ARHGEF11: variants seen among roughly 807,000 people sequenced by gnomAD.
ARHGEF11 encodes Rho guanine nucleotide exchange factor 11.
A neutral mutation model predicts 193.7 loss-of-function variants in ARHGEF11; 55 were observed. The observed-to-expected ratio is 0.28, with a 90% CI of 0.23 to 0.36. The LOEUF is 0.36. ARHGEF11 is among the 10% of genes least tolerant of loss of function. ARHGEF11 has a pLI of 1.00. For synonymous variants in ARHGEF11, 693 were observed against 768.0 expected (o/e 0.90, Z 1.62); for missense variants, 1,723 against 2,005.6 (o/e 0.86, Z 2.69).
In ARHGEF11 at chr1:156,940,320, G is replaced by A; in HGVS notation, c.3620C>T (p.Pro1207Leu). 1 of 1,613,954 alleles carries A rather than the reference G, an allele frequency of 6.2e-7. No homozygotes were observed. The highest frequency in any genetic ancestry group is 1.3e-5 in the African/African-American group (1 of 75,064). The change falls in exon 36 of 41, where the codon CCT becomes CTT. Residue 1207 changes from proline (P) to leucine (L), a missense_variant. Coordinates refer to ENST00000368194, the MANE Select transcript of ARHGEF11 (RefSeq NM_198236.3). The stretch of plus-strand genomic sequence containing the variant: ...GTTCTCTCCATCCAGGGATGTGGAA[G>A]GGCAAGGCAGGACACCCAGTTCCTC... ...EEEELGVLPC[P>L]STSLDGENRG...
chr1:156,963,641 G>A lies in ARHGEF11; in HGVS notation c.964-47C>T, dbSNP rs749410007. 38 of 1,599,134 alleles carry A rather than the reference G, an allele frequency of 2.4e-5. No individual in the cohort carries two copies. The South Asian group carries it at 4.2e-4, about 18-fold the overall frequency. On this transcript the variant is annotated intron_variant, in intron 11 of 40. Transcript: ENST00000368194. ...CAGAGATGAGAGGTTATAGAGGACAGAGGATTCAACCACCTCAGTGAAGTT... is the reference window on the plus strand; with the variant it reads ...CAGAGATGAGAGGTTATAGAGGACAAAGGATTCAACCACCTCAGTGAAGTT...
At chr1:156,975,499 A>G (rs1464120513) in intron 7 of ARHGEF11, among the ~76,000 whole-genome samples, 1 of 152,150 alleles carries the variant, frequency 6.6e-6, no homozygotes, top group Non-Finnish European at 1.5e-5. Context: ...CATTTCTTCT[A>G]TGGGTTGTCT....
rs979009728 is a variant in ARHGEF11, at chr1:156,935,691, G to A, written c.*309C>T. ...GGGCAGCGCACATACAGGCGTGCGC[G>A]TGTACACACATATGTGGGGTGAGGG... On this transcript the variant is annotated 3_prime_UTR_variant, in exon 41 of 41. Transcript: ENST00000368194. 3 of 346,778 alleles carry A rather than the reference G, an allele frequency of 8.7e-6. No homozygotes were observed. Among genetic ancestry groups the A allele is most frequent in the South Asian group, 6.7e-5 (1 of 14,942 alleles). 21.5% of individuals were successfully genotyped at this position (346,778 alleles called of 1,614,324 possible). A position where few individuals can be genotyped will look rare whatever the true frequency, so the allele number is the denominator to read the frequency against.
intron 1 of ARHGEF11, among the ~76,000 whole-genome samples, chr1:156,993,945 A>G (rs746861487): frequency 1.3e-5 from 2 of 152,164 alleles, no homozygotes; most frequent in Admixed American, 6.5e-5. Flanking sequence ...CCAGCAGCAT[A>G]CGAATCACTT....
rs1186058970 is a variant in ARHGEF11, at chr1:156,938,478, G to A, written c.4132C>T (p.Pro1378Ser). The A allele has an allele frequency of 6.2e-7, 1 of 1,613,742 alleles. No homozygotes were observed. Among genetic ancestry groups the A allele is most frequent in the African/African-American group, 1.3e-5 (1 of 75,030 alleles). The change falls in exon 38 of 41, where the codon CCA (proline) becomes TCA (serine). Residue 1378 changes from proline (P) to serine (S), a missense_variant. Around this residue, in one of 5 missense-constraint regions of ARHGEF11, gnomAD observed 360 missense variants for 344.4 expected, o/e 1.05. Transcript: ENST00000368194. ...VAGSKVVPAL[P>S]ESGQSEPGPP... ...CCAGGCTCTGACTGGCCACTCTCTG[G>A]TAGTGCAGGGACAACCTTGCTGCCT...
chr1:156,951,936 G>C (rs984688644), intron 21 of ARHGEF11, among the ~76,000 whole-genome samples: 39 of 152,044 alleles, frequency 2.6e-4, no homozygotes, highest in African/African-American at 9.2e-4. Flanking sequence ...AAAATGAGAG[G>C]GTTTGGAAGT....
In ARHGEF11 at chr1:156,959,101, A is replaced by G. The variant is rs759484825; in HGVS notation, c.1324T>C (p.Cys442Arg). The change falls in exon 16 of 41, where the codon TGT becomes CGT. Residue 442 changes from cysteine (C) to arginine (R), a missense_variant. Cys to Arg is a radical substitution (Grantham distance 180, BLOSUM62 -3). Transcript: ENST00000368194. Reference sequence around the variant, plus strand: ...GGCATGGCTGCCTCTTGAGCTTCACAGAGAACACCACGGGCATCTTCGCTG... The same window carrying G: ...GGCATGGCTGCCTCTTGAGCTTCACGGAGAACACCACGGGCATCTTCGCTG... The part of the protein sequence containing the change: ...RNSEDARGVL[C>R]EAQEAAMPEI... 12 of 1,614,224 alleles carry G rather than the reference A, an allele frequency of 7.4e-6. No homozygotes were observed. The highest frequency in any genetic ancestry group is 7.6e-6 in the Non-Finnish European group (9 of 1,180,028).
chr1:156,937,592 A>G, intron 38 of ARHGEF11, 96 bp from the exon 39 acceptor site: 1 of 1,336,248 alleles, frequency 7.5e-7, no homozygotes, highest in Non-Finnish European at 1.0e-6. Context: ...CTGACAGAGC[A>G]GGCCAGGCAG....
At chr1:156,981,937 A>C (rs1470840461) in intron 3 of ARHGEF11, among the ~76,000 whole-genome samples, 1 of 152,216 alleles carries the variant, frequency 6.6e-6, no homozygotes, top group Non-Finnish European at 1.5e-5. Flanking sequence ...CCTCTGATCA[A>C]AACAAAACTC....
In ARHGEF11 at chr1:156,936,839, T is replaced by C. The variant is rs764737591; in HGVS notation, c.4607A>G (p.Glu1536Gly). Residue 1536 changes from glutamate (E) to glycine (G), a missense_variant, in exon 40 of 41, where the codon GAA (glutamate) becomes GGA (glycine). By Grantham distance (98) the Glu-to-Gly change is moderately conservative. Coordinates refer to ENST00000368194, the MANE Select transcript of ARHGEF11 (RefSeq NM_198236.3). ...ACCATCCTCAGGGCAGGGCCCCAGTTCATGGCTGTTCCTGGAGTCAGAAGC... is the reference window on the plus strand; with the variant it reads ...ACCATCCTCAGGGCAGGGCCCCAGTCCATGGCTGTTCCTGGAGTCAGAAGC... ...PLASDSRNSH[E>G]LGPCPEDGSD... 2.3e-5 allele frequency: 37 copies of C among 1,613,876 alleles called. No individual in the cohort carries two copies. In the Admixed American group the frequency reaches 6.0e-4, roughly 26 times the overall value.
In ARHGEF11 at chr1:156,944,080, C is replaced by G. The variant is rs765677808; in HGVS notation, c.3090G>C (p.Glu1030Asp). ...KTLDLHVLLL[E>D]DLLVLLQKQD... ...GTTTCTGTAGCAGCACTAGGAGGTC[C>G]TCCAGCAGCAGCACGTGGAGGTCTG... The change falls in exon 32 of 41, where the codon GAG becomes GAC. Residue 1030 changes from glutamate (E) to aspartate (D), a missense_variant. Around this residue, in one of 5 missense-constraint regions of ARHGEF11, gnomAD observed 491 missense variants for 654.5 expected, o/e 0.75. Transcript: ENST00000368194. The G allele has an allele frequency of 6.2e-7, 1 of 1,613,950 alleles. No individual in the cohort carries two copies. Among genetic ancestry groups the G allele is most frequent in the Non-Finnish European group, 8.5e-7 (1 of 1,179,906 alleles).
intron 22 of ARHGEF11, chr1:156,949,204 G>A (rs886922175): frequency 7.0e-6 from 5 of 711,152 alleles, no homozygotes; most frequent in African/African-American, 1.9e-5. Context: ...GGCAGGACCC[G>A]CTCCTTGGCC....
intron 1 of ARHGEF11, among the ~76,000 whole-genome samples, chr1:157,011,146 T>C (rs1346209111): frequency 6.6e-6 from 1 of 152,162 alleles, no homozygotes; most frequent in East Asian, 1.9e-4. Flanking sequence ...AGGATAGACA[T>C]AGATCAATAA....
At position 157,029,065 on chromosome 1, in the gene ARHGEF11, G is replaced by A. The variant is rs554041030; in HGVS notation, c.32+15234C>T. 1.5e-3 allele frequency among the ~76,000 whole-genome samples: 234 copies of A among 151,620 alleles called. 1 individual carries two copies. The highest frequency in any genetic ancestry group is 5.4e-3 in the African/African-American group (224 of 41,300). ...ACCTGTAGTCCTGGCTACTCAGGAG[G>A]CTAAGGTGGGATGGTCACCTGAGCT... On this transcript the variant is annotated intron_variant, in intron 1 of 40. Coordinates refer to ENST00000368194, the MANE Select transcript of ARHGEF11 (RefSeq NM_198236.3).
chr1:156,963,447 A>G, intron 12 of ARHGEF11, 73 bp downstream of exon 12: 1 of 1,555,096 alleles, frequency 6.4e-7, no homozygotes, highest in South Asian at 1.1e-5. Context: ...GATGCTAGTC[A>G]AACTGCTTCT....
rs748301913 is a variant in ARHGEF11 at position 156,940,344 on chromosome 1, T to A, written c.3596A>T (p.Glu1199Val). 1 of 1,613,994 alleles carries A rather than the reference T, an allele frequency of 6.2e-7. No individual in the cohort carries two copies. Among genetic ancestry groups the A allele is most frequent in the Admixed American group, 1.7e-5 (1 of 60,014 alleles). ...DPEQEGSAEE[E>V]ELGVLPCPST... ...AGGGCAAGGCAGGACACCCAGTTCCTCTTCCTCTGCACTGCCCTCCTGCTC... is the reference window on the plus strand; with the variant it reads ...AGGGCAAGGCAGGACACCCAGTTCCACTTCCTCTGCACTGCCCTCCTGCTC... Residue 1199 changes from glutamate (E) to valine (V), a missense_variant, in exon 36 of 41, where the codon GAG becomes GTG. By Grantham distance (121) the Glu-to-Val change is moderately radical. Around this residue, in one of 5 missense-constraint regions of ARHGEF11, gnomAD observed 203 missense variants for 237.3 expected, o/e 0.86. Transcript: ENST00000368194.
At chr1:156,994,396 T>TTTG (rs1345025437) in intron 1 of ARHGEF11, among the ~76,000 whole-genome samples, 2 of 151,046 alleles carry the variant, frequency 1.3e-5, no homozygotes, top group Non-Finnish European at 3.0e-5. Context: ...TTGTGTGTTT[T>TTTG]TTTTTTTTTT....
At position 156,979,232 on chromosome 1, in the gene ARHGEF11, T is replaced by C. The variant is rs772853181; in HGVS notation, c.328A>G (p.Lys110Glu). Reference sequence around the variant, plus strand: ...TTGTCACCTCTCTCCAACTCACATTTGATCAGCTTTACCACTTCCAGGTGT... The same window carrying C: ...TTGTCACCTCTCTCCAACTCACATTCGATCAGCTTTACCACTTCCAGGTGT... ...SSHLEVVKLI[K>E]SGAYVALTLL... The change falls in exon 5 of 41, where the codon AAA becomes GAA. Residue 110 changes from lysine to glutamate, a missense_variant. Coordinates refer to ENST00000368194, the MANE Select transcript of ARHGEF11 (RefSeq NM_198236.3). 2 of 1,614,014 alleles carry C rather than the reference T, an allele frequency of 1.2e-6. No homozygotes were observed. The highest frequency in any genetic ancestry group is 1.3e-5 in the African/African-American group (1 of 74,934).
At chr1:156,968,656 A>G (rs985127875) in intron 10 of ARHGEF11, among the ~76,000 whole-genome samples, 2 of 152,264 alleles carry the variant, frequency 1.3e-5, no homozygotes, top group Non-Finnish European at 2.9e-5. Context: ...TTTCAACCAC[A>G]TATTCACATA....
Sources: gnomAD v4.1 joint callset for allele counts (sites outside exome capture counted in the v4.1 genomes callset) on GRCh38, gnomAD v4.1.1 for gene constraint, gnomAD v4.1.1 regional missense constraint, MANE v1.5 for transcripts, NCBI Gene and HGNC (gene_info 2026-07-23, HGNC 2026-07-21) for gene names.